The following KIF5A variants were observed in gnomAD, a reference collection of about 807,000 sequenced individuals.
KIF5A encodes the protein kinesin heavy chain isoform 5A.
A neutral mutation model predicts 141.3 loss-of-function variants in KIF5A; 35 were observed. That is an observed-to-expected ratio of 0.25 (90% CI 0.19 to 0.33). KIF5A has a LOEUF of 0.33. Among genes scored for constraint, KIF5A ranks in the 10% least tolerant of loss-of-function variants. The pLI is 1.00. For missense variants in KIF5A, 861 were observed against 1,314.3 expected (o/e 0.66, Z 5.33); for synonymous variants, 448 against 500.2 (o/e 0.90, Z 1.39).
chr12:57,579,443 G>A (rs1016320069), intron 23 of KIF5A, among the ~76,000 whole-genome samples: 16 of 151,688 alleles, frequency 1.1e-4, no homozygotes, highest in Non-Finnish European at 2.2e-4. Flanking sequence ...CACTAGCCTA[G>A]CACTTAAACT....
intron 12 of KIF5A, 58 bp from the exon 13 acceptor site, chr12:57,571,263 C>A: frequency 9.5e-7 from 1 of 1,057,380 alleles, no homozygotes; most frequent in Non-Finnish European, 1.5e-6. Flanking sequence ...AAACTTCTTA[C>A]GTCTAAACTG....
intron 17 of KIF5A, 40 bp downstream of exon 17, chr12:57,575,797 G>GA: frequency 7.3e-7 from 1 of 1,372,382 alleles, no homozygotes; most frequent in Non-Finnish European, 1.0e-6. Context: ...GTCCAGGGCA[G>GA]AAAAGTCAGA....
chr12:57,581,267 AC>A, intron 24 of KIF5A, 95 bp downstream of exon 24: 3 of 1,493,586 alleles, frequency 2.0e-6, no homozygotes, highest in Non-Finnish European at 2.8e-6. Context: ...CTTCTTACCT[AC>A]CCCTAGCCTC....
rs1881747642 is a variant in KIF5A at position 57,556,455 on chromosome 12, T to C, written c.129+6055T>C. 2.6e-5 allele frequency among the ~76,000 whole-genome samples: 4 copies of C among 152,098 alleles called. No homozygotes were observed. In the South Asian group the frequency reaches 8.3e-4, roughly 32 times the overall value. On this transcript the variant is annotated intron_variant, in intron 1 of 28. Transcript: ENST00000455537. ...GCCCAGCCCACTCTTGGGTATCTTT[T>C]AGACTCAGATCTGAGAATCTCTTCC... is the stretch of plus-strand genomic sequence containing the variant.
Position 57,581,902 on chromosome 12 carries a change from C to T in KIF5A, c.2942C>T (p.Thr981Ile). ...AACTCCTGTACCAGCAGTGGAGCCA[C>T]ATCTTCTGGCGGCCCCTTGGCTTCC... ...FANSCTSSGA[T>I]SSGGPLASYQ... Residue 981 changes from threonine to isoleucine, a missense_variant, in exon 26 of 29, where the codon ACA (threonine) becomes ATA (isoleucine). By Grantham distance (89) the Thr-to-Ile change is moderately conservative. Around this residue, in one of 5 missense-constraint regions of KIF5A, gnomAD observed 482 missense variants for 661.3 expected, o/e 0.73. Transcript: ENST00000455537. 1 of 1,614,104 alleles carries T rather than the reference C, an allele frequency of 6.2e-7. No homozygotes were observed. Among genetic ancestry groups the T allele is most frequent in the Non-Finnish European group, 8.5e-7 (1 of 1,180,010 alleles).
chr12:57,582,099 C>G, intron 26 of KIF5A, 147 bp downstream of exon 26: 1 of 721,392 alleles, frequency 1.4e-6, no homozygotes, highest in Non-Finnish European at 2.5e-6. Flanking sequence ...ATACATATAG[C>G]CAGGTGTGGT....
intron 1 of KIF5A, among the ~76,000 whole-genome samples, chr12:57,562,824 C>T (rs1400959396): frequency 1.3e-5 from 2 of 151,988 alleles, no homozygotes; most frequent in Admixed American, 1.3e-4. Flanking sequence ...TCACCTGTGG[C>T]CCTATTGTCT....
Position 57,569,080 on chromosome 12 carries a change from T to G in KIF5A, c.819+13T>G, listed in dbSNP as rs760639967. ...GGCTGAGGGCACTGTGAGTGATCCT[T>G]AGGTCCCCTCACCCCTCAAGCCACA... On this transcript the variant is annotated intron_variant, in intron 9 of 28. Coordinates refer to ENST00000455537, the MANE Select transcript of KIF5A (RefSeq NM_004984.4). The G allele has an allele frequency of 4.4e-6, 7 of 1,601,382 alleles. No homozygotes were observed. In the East Asian group the frequency reaches 1.6e-4, roughly 36 times the overall value.
intron 1 of KIF5A, among the ~76,000 whole-genome samples, chr12:57,561,311 A>G (rs572024976): frequency 6.6e-6 from 1 of 152,306 alleles, no homozygotes; most frequent in East Asian, 1.9e-4. Context: ...AAGTGCTGGG[A>G]TTACATGCAT....
chr12:57,567,625 G>A lies in KIF5A; in HGVS notation c.714+7G>A. ...CCTGGCAGGGAGTGAGAAGGTAGGG[G>A]GTCCTGTGGATATGGGGTGGGTGGA... is the stretch of plus-strand genomic sequence containing the variant. On this transcript the variant is annotated splice_region_variant and intron_variant, in intron 8 of 28. Transcript: ENST00000455537. 2 of 1,612,204 alleles carry A rather than the reference G, an allele frequency of 1.2e-6. No homozygotes were observed. Among genetic ancestry groups the A allele is most frequent in the Non-Finnish European group, 1.7e-6 (2 of 1,179,310 alleles).
intron 6 of KIF5A, among the ~76,000 whole-genome samples, chr12:57,566,270 A>G (rs1305309764): frequency 6.6e-6 from 1 of 151,026 alleles, no homozygotes; most frequent in Non-Finnish European, 1.5e-5. Flanking sequence ...AGGCCCACTT[A>G]TTTTTGTATT....
intron 11 of KIF5A, 111 bp downstream of exon 11, chr12:57,569,794 G>A (rs1186167148): frequency 2.0e-6 from 3 of 1,518,190 alleles, no homozygotes; most frequent in African/African-American, 1.4e-5. Flanking sequence ...TAGAAGAGGG[G>A]CTGTGTTTCT....
At chr12:57,562,001 C>T (rs1214490097) in intron 1 of KIF5A, among the ~76,000 whole-genome samples, 3 of 152,180 alleles carry the variant, frequency 2.0e-5, no homozygotes, top group African/African-American at 7.2e-5. Context: ...TGTAGTAAAA[C>T]AATTTGACAA....
In KIF5A at chr12:57,569,120, C is replaced by G. The variant is rs887670627; in HGVS notation, c.819+53C>G. The G allele has an allele frequency of 2.4e-5, 38 of 1,557,146 alleles. No individual in the cohort carries two copies. The African/African-American group carries it at 4.5e-4, about 18-fold the overall frequency. Reference sequence around the variant, plus strand: ...CTCAAGCCACACCCCATCTCCTCCCCCACCTGCTAATGCCACCATATGATC... The same window carrying G: ...CTCAAGCCACACCCCATCTCCTCCCGCACCTGCTAATGCCACCATATGATC... On this transcript the variant is annotated intron_variant, in intron 9 of 28. Coordinates refer to ENST00000455537, the MANE Select transcript of KIF5A (RefSeq NM_004984.4).
chr12:57,550,282 C>A lies in KIF5A; in HGVS notation c.11C>A (p.Thr4Asn). The change falls in exon 1 of 29, where the codon ACC (threonine) becomes AAC (asparagine). Residue 4 changes from threonine to asparagine, a missense_variant. This residue lies in a region of KIF5A where 59 missense variants were observed against 81.1 expected (regional missense o/e 0.73). Transcript: ENST00000455537. The surrounding 1 kb of genome is among the most constrained non-coding windows in gnomAD (Gnocchi z 4.6). ...ACGCCGGCTACCACCATGGCGGAGA[C>A]CAACAACGAATGTAGCATCAAGGTG... MAE[T>N]NNECSIKVLC... 1 of 1,614,140 alleles carries A rather than the reference C, an allele frequency of 6.2e-7. No homozygotes were observed. Among genetic ancestry groups the A allele is most frequent in the Admixed American group, 1.7e-5 (1 of 60,034 alleles).
intron 1 of KIF5A, among the ~76,000 whole-genome samples, chr12:57,554,488 T>C (rs1026081056): frequency 6.6e-6 from 1 of 152,224 alleles, no homozygotes; most frequent in African/African-American, 2.4e-5. Context: ...TTTTTACTAA[T>C]TGTTTCATGC....
At chr12:57,557,680 T>C (rs913482026) in intron 1 of KIF5A, among the ~76,000 whole-genome samples, 3 of 152,062 alleles carry the variant, frequency 2.0e-5, no homozygotes, top group Admixed American at 1.3e-4. Flanking sequence ...TTAAATATTT[T>C]TACATAACTT....
In KIF5A at chr12:57,567,487, C is replaced by G. The variant is rs772561988; in HGVS notation, c.590-7C>G. On this transcript the variant is annotated splice_region_variant and splice_polypyrimidine_tract_variant and intron_variant, in intron 7 of 28. Transcript: ENST00000455537. ...GTGCAGGTCCTGTTTCTCCCTTGCT[C>G]CTGCAGACATGAATGAACACAGCTC... 6.2e-7 allele frequency: 1 copy of G among 1,612,754 alleles called. No homozygotes were observed. The highest frequency in any genetic ancestry group is 8.5e-7 in the Non-Finnish European group (1 of 1,179,582).
intron 21 of KIF5A, 44 bp downstream of exon 21, chr12:57,577,817 G>A (rs1335904520): frequency 6.6e-7 from 1 of 1,511,798 alleles, no homozygotes; most frequent in Non-Finnish European, 9.2e-7. Flanking sequence ...ACTGGGGAGT[G>A]GGGAGGCTTC....
Sources: allele counts gnomAD v4.1 joint callset (sites outside exome capture counted in the v4.1 genomes callset), GRCh38; gene constraint gnomAD v4.1.1; regional missense constraint gnomAD v4.1.1; non-coding constraint Gnocchi (gnomAD v3.1); transcripts MANE v1.5; gene names NCBI Gene and HGNC (gene_info 2026-07-23, HGNC 2026-07-21).